Variants in AHRR observed in about 807,000 individuals in gnomAD.
AHRR encodes aryl hydrocarbon receptor repressor, also known as ahR repressor.
AHRR carries 28 observed loss-of-function variants against 44.0 expected under a neutral mutation model. The observed-to-expected ratio is 0.64, with a 90% CI of 0.47 to 0.87. The LOEUF (loss-of-function observed/expected upper bound fraction) is 0.87. Among genes scored for constraint, AHRR ranks in the 40% least tolerant of loss-of-function variants. The pLI is 0.00. For missense variants in AHRR, 990 were observed against 953.9 expected (o/e 1.04, Z -0.50); for synonymous variants, 434 against 407.0 (o/e 1.07, Z -0.80).
At position 376,611 on chromosome 5, in the gene AHRR, C is replaced by A; in HGVS notation, c.246C>A (p.Val82=). The A allele has an allele frequency of 8.6e-7, 1 of 1,163,970 alleles. No individual in the cohort carries two copies. The highest frequency in any genetic ancestry group is 3.0e-5 in the Admixed American group (1 of 33,104). 72.1% of individuals were successfully genotyped at this position (1,163,970 alleles called of 1,614,324 possible). A position where few individuals can be genotyped will look rare whatever the true frequency, so the allele number is the denominator to read the frequency against. ...AATGTGTCTTTTCTTCTCTGACAGT[C>A]GTGCAGGAGCAGAGCTCACGGCAGC... is the stretch of plus-strand genomic sequence containing the variant. ...SYLRVKSFFQ[V]VQEQSSRQPA... is the part of the protein sequence containing the mutation. The change falls in exon 4 of 11, where the codon GTC becomes GTA. Residue 82 remains valine, a splice_region_variant and synonymous_variant. Coordinates refer to ENST00000684583, the MANE Select transcript of AHRR (RefSeq NM_001377236.1).
In AHRR at chr5:395,359, G is replaced by C. The variant is rs1734654270; in HGVS notation, c.352-17985G>C. Among the ~76,000 whole-genome samples the C allele has an allele frequency of 6.6e-6, 1 of 152,218 alleles. No individual in the cohort carries two copies. Among genetic ancestry groups the C allele is most frequent in the African/African-American group, 2.4e-5 (1 of 41,444 alleles). ...GGCTGAGCAGGGTCCGAAAATTAGGGGAATAAAAGTCCCGGGAGAGGACAA... is the reference window on the plus strand; with the variant it reads ...GGCTGAGCAGGGTCCGAAAATTAGGCGAATAAAAGTCCCGGGAGAGGACAA... On this transcript the variant is annotated intron_variant, in intron 4 of 10. Coordinates refer to ENST00000684583, the MANE Select transcript of AHRR (RefSeq NM_001377236.1). This position sits in a 1 kb window ranked among gnomAD's most constrained non-coding sequence, Gnocchi z 5.3.
chr5:352,461 G>A (rs1213351631), intron 2 of AHRR, among the ~76,000 whole-genome samples: 1 of 143,536 alleles, frequency 7.0e-6, no homozygotes. Context: ...TGGGTCAGCT[G>A]TAGGGGATGG....
intron 4 of AHRR, among the ~76,000 whole-genome samples, chr5:382,204 T>G (rs1340539388): frequency 6.6e-6 from 1 of 152,238 alleles, no homozygotes; most frequent in Middle Eastern, 3.2e-3. Context: ...GGGTATTCCC[T>G]TCTCTTCTGT....
At chr5:428,740 T>C (rs1736582854) in intron 8 of AHRR, among the ~76,000 whole-genome samples, 1 of 152,268 alleles carries the variant, frequency 6.6e-6, no homozygotes, top group Non-Finnish European at 1.5e-5. Context: ...AGCTCTGAGC[T>C]TGTTTTCCTG....
chr5:346,272 TC>T (rs1742675869), intron 2 of AHRR, among the ~76,000 whole-genome samples: 1 of 152,164 alleles, frequency 6.6e-6, no homozygotes, highest in South Asian at 2.1e-4. Flanking sequence ...AAACTTAAAA[TC>T]AGCTGCCTCC....
chr5:337,869 T>A lies in AHRR; in HGVS notation c.-10-6024T>A, dbSNP rs2126345220. Reference sequence around the variant, plus strand: ...AGTGGTGAGCAGGAACACGAAAAAATAGGAAGCACTGGAACCAGGAGAGGC... The same window carrying A: ...AGTGGTGAGCAGGAACACGAAAAAAAAGGAAGCACTGGAACCAGGAGAGGC... On this transcript the variant is annotated intron_variant, in intron 1 of 10. Transcript: ENST00000684583. This position sits in a 1 kb window ranked among gnomAD's most constrained non-coding sequence, Gnocchi z 4.1. Among the ~76,000 whole-genome samples, 1 of 152,150 alleles carries A rather than the reference T, an allele frequency of 6.6e-6. No homozygotes were observed. Among genetic ancestry groups the A allele is most frequent in the Non-Finnish European group, 1.5e-5 (1 of 68,000 alleles).
chr5:335,742 TC>T (rs1321139554), intron 1 of AHRR, among the ~76,000 whole-genome samples: 1 of 152,178 alleles, frequency 6.6e-6, no homozygotes, highest in Non-Finnish European at 1.5e-5. Flanking sequence ...TGTGGCATGC[TC>T]CCCCATCCTG....
Position 419,970 on chromosome 5 carries a change from TC to T in AHRR, c.442-2758del, listed in dbSNP as rs972039275. On this transcript the variant is annotated intron_variant, in intron 5 of 10. Coordinates refer to ENST00000684583, the MANE Select transcript of AHRR (RefSeq NM_001377236.1). The surrounding 1 kb of genome is among the most constrained non-coding windows in gnomAD (Gnocchi z 4.4). ...GAAAGGTTCCTTGTGGATCCCCTTT[TC>T]TGGCCATCGGGATGTGGATGTGCAT... Among the ~76,000 whole-genome samples the T allele has an allele frequency of 1.3e-5, 2 of 152,210 alleles. No individual in the cohort carries two copies. Among genetic ancestry groups the T allele is most frequent in the African/African-American group, 2.4e-5 (1 of 41,434 alleles).
intron 3 of AHRR, among the ~76,000 whole-genome samples, chr5:365,335 C>T (rs1050627379): frequency 2.6e-5 from 4 of 151,730 alleles, no homozygotes; most frequent in African/African-American, 7.3e-5. Context: ...AACTAGAAAT[C>T]GATAATAACA....
At chr5:322,787 G>A (rs1256794935) in intron 1 of AHRR, 1 of 152,238 alleles carries the variant, frequency 6.6e-6, no homozygotes, top group Non-Finnish European at 1.5e-5. Context: ...GAAAAGCCAC[G>A]AGTAACAAGA....
chr5:344,077 G>A, intron 2 of AHRR, 113 bp downstream of exon 2: 1 of 1,192,860 alleles, frequency 8.4e-7, no homozygotes, highest in South Asian at 1.4e-5. Flanking sequence ...AAGGCTTCGG[G>A]AGCCGGGCGG....
At chr5:376,506 A>ATAACCGTGGGGT in intron 3 of AHRR, 104 bp from the exon 4 acceptor site, 1 of 1,217,948 alleles carries the variant, frequency 8.2e-7, no homozygotes, top group Non-Finnish European at 1.1e-6. Flanking sequence ...ATGTCAGGTG[A>ATAACCGTGGGGT]GAACCGTGGG....
intron 5 of AHRR, among the ~76,000 whole-genome samples, chr5:421,496 G>A (rs897731583): frequency 2.6e-5 from 4 of 152,242 alleles, no homozygotes; most frequent in Non-Finnish European, 5.9e-5. Context: ...TTTTCTTGAA[G>A]GTGACTCACC....
At chr5:375,302 A>G (rs1004233301) in intron 3 of AHRR, among the ~76,000 whole-genome samples, 4 of 152,208 alleles carry the variant, frequency 2.6e-5, no homozygotes, top group African/African-American at 9.6e-5. Flanking sequence ...CTTTTCGATG[A>G]GGCGGTGCCC....
At chr5:415,682 C>CCTAGGGGCCGAATCTCCCTGGTCTGCT (rs1735766450) in intron 5 of AHRR, among the ~76,000 whole-genome samples, 1 of 112,886 alleles carries the variant, frequency 8.9e-6, no homozygotes, top group Non-Finnish European at 2.1e-5. Flanking sequence ...CCTGGTCGGG[C>CCTAGGGGCCGAATCTCCCTGGTCTGCT]GGGAGGCCTA....
chr5:330,874 T>A (rs1443551720), intron 1 of AHRR, among the ~76,000 whole-genome samples: 1 of 143,782 alleles, frequency 7.0e-6, no homozygotes, highest in Non-Finnish European at 1.5e-5. Context: ...TCAGCATTTT[T>A]TTTTTTTTTT....
chr5:376,520 A>ACCGCGGGG, intron 3 of AHRR, 90 bp from the exon 4 acceptor site: 1 of 1,385,196 alleles, frequency 7.2e-7, no homozygotes, highest in Non-Finnish European at 9.7e-7. Context: ...CCGTGGGGTG[A>ACCGCGGGG]ACGCGGGGAA....
intron 4 of AHRR, among the ~76,000 whole-genome samples, chr5:393,335 C>T (rs144129836): frequency 1.3e-5 from 2 of 152,378 alleles, no homozygotes; most frequent in African/African-American, 4.8e-5. Flanking sequence ...GTGTCTCATC[C>T]AGCCCAGGGC....
chr5:432,691 G>A, intron 9 of AHRR, 115 bp from the exon 10 acceptor site: 4 of 1,564,064 alleles, frequency 2.6e-6, no homozygotes, highest in Non-Finnish European at 3.5e-6. Context: ...CTGGGCTCTG[G>A]TCTGTGCATT....
Sources: gnomAD v4.1 joint callset for allele counts (sites outside exome capture counted in the v4.1 genomes callset) on GRCh38, gnomAD v4.1.1 for gene constraint, Gnocchi (gnomAD v3.1) non-coding constraint, MANE v1.5 for transcripts, NCBI Gene and HGNC (gene_info 2026-07-23, HGNC 2026-07-21) for gene names.